TTC9: variants seen among roughly 807,000 people sequenced by gnomAD.
The protein encoded by TTC9 is tetratricopeptide repeat domain 9.
In TTC9, 13 loss-of-function variants were observed where a neutral mutation model predicts 22.9. The ratio of observed to expected loss-of-function variants is 0.57; its 90% CI spans 0.37 to 0.90. TTC9 has a LOEUF of 0.90. Ranked by LOEUF, TTC9 falls within the 40% of genes least tolerant of loss-of-function variation. The pLI is 0.01. For synonymous variants in TTC9, 148 were observed against 133.2 expected, an observed-to-expected ratio of 1.11 and a Z score of -0.77; for missense variants, 280 against 291.8, an observed-to-expected ratio of 0.96 and a Z score of 0.29.
intron 1 of TTC9, among the ~76,000 whole-genome samples, chr14:70,662,220 T>TAG (rs1273565977): frequency 6.6e-6 from 1 of 152,156 alleles, no homozygotes; most frequent in East Asian, 1.9e-4. Context: ...GACTACATCT[T>TAG]TGAATCCAAG....
At chr14:70,653,849 G>A (rs1237302585) in intron 1 of TTC9, among the ~76,000 whole-genome samples, 3 of 152,196 alleles carry the variant, frequency 2.0e-5, no homozygotes, top group Admixed American at 6.5e-5. Flanking sequence ...TGAGTCCCCA[G>A]GGGAGCTTAA....
In TTC9 at chr14:70,642,527, G is replaced by T. The variant is rs974108212; in HGVS notation, c.398G>T (p.Ser133Ile). 6.5e-7 allele frequency: 1 copy of T among 1,535,730 alleles called. No homozygotes were observed. Among genetic ancestry groups the T allele is most frequent in the Non-Finnish European group, 8.8e-7 (1 of 1,139,702 alleles). Residue 133 changes from serine to isoleucine, a missense_variant, in exon 1 of 3, where the codon AGC (serine) becomes ATC (isoleucine). Physicochemically the swap from Ser to Ile is moderately radical, Grantham distance 142 (BLOSUM62 -2). Coordinates refer to ENST00000256367, the MANE Select transcript of TTC9 (RefSeq NM_015351.2). ...VEAIEIDCYN[S>I]LAACLLQAEL... ...GCCATCGAGATCGACTGTTACAACA[G>T]CCTGGCAGGTGAGCCGCGCCGCGCC...
intron 1 of TTC9, among the ~76,000 whole-genome samples, chr14:70,666,513 A>T (rs1286921696): frequency 1.3e-5 from 2 of 152,230 alleles, no homozygotes; most frequent in East Asian, 3.8e-4. Context: ...AAAGAATTCT[A>T]AGAATGTTAA....
At chr14:70,665,053 C>T (rs1290558825) in intron 1 of TTC9, among the ~76,000 whole-genome samples, 2 of 152,208 alleles carry the variant, frequency 1.3e-5, no homozygotes, top group East Asian at 1.9e-4. Context: ...CTTTGCTTCC[C>T]CTGCCCCTGT....
chr14:70,643,026 G>A (rs1369006102), intron 1 of TTC9, among the ~76,000 whole-genome samples: 1 of 152,196 alleles, frequency 6.6e-6, no homozygotes, highest in Non-Finnish European at 1.5e-5. Flanking sequence ...CAAGTTTTTT[G>A]GCCCCAGTAG....
chr14:70,652,511 C>G (rs1233822005), intron 1 of TTC9, among the ~76,000 whole-genome samples: 1 of 152,246 alleles, frequency 6.6e-6, no homozygotes, highest in South Asian at 2.1e-4. Context: ...AATCAAGCAG[C>G]CATTCAGCAT....
rs930781130 is a variant in TTC9, at chr14:70,671,374, T to C, written c.*219T>C. The C allele has an allele frequency of 4.3e-6, 2 of 461,712 alleles. No homozygotes were observed. Among genetic ancestry groups the C allele is most frequent in the Non-Finnish European group, 8.0e-6 (2 of 251,158 alleles). The allele number at this position is 461,712 out of a possible 1,614,324, so 28.6% of individuals were successfully genotyped here. On this transcript the variant is annotated 3_prime_UTR_variant, in exon 3 of 3. Transcript: ENST00000256367. Reference sequence around the variant, plus strand: ...TCGCCCAGACAATGGAGACATCCTCTCCTCTAGCAGGTCAGCGACTGAGAG... The same window carrying C: ...TCGCCCAGACAATGGAGACATCCTCCCCTCTAGCAGGTCAGCGACTGAGAG...
rs879543584 is a variant in TTC9 at position 70,656,218 on chromosome 14, C to T, written c.407-11346C>T. Among the ~76,000 whole-genome samples the T allele has an allele frequency of 2.2e-3, 306 of 138,392 alleles. 2 individuals carry two copies. Among genetic ancestry groups the T allele is most frequent in the Non-Finnish European group, 3.0e-3 (182 of 60,620 alleles). The allele number at this position is 138,392 out of a possible 152,430, so 90.8% of individuals were successfully genotyped here. On this transcript the variant is annotated intron_variant, in intron 1 of 2. Coordinates refer to ENST00000256367, the MANE Select transcript of TTC9 (RefSeq NM_015351.2). ...ATAATTCTTCACCCTGATACACACA[C>T]ACACACACACACACACACACACACA...
chr14:70,653,100 G>GT (rs1342466507), intron 1 of TTC9, among the ~76,000 whole-genome samples: 2 of 152,192 alleles, frequency 1.3e-5, no homozygotes, highest in African/African-American at 4.8e-5. Flanking sequence ...TAATAATAAT[G>GT]TACCACATAG....
In TTC9 at chr14:70,654,647, A is replaced by G. The variant is rs201398156; in HGVS notation, c.406+12112A>G. Among the ~76,000 whole-genome samples the G allele has an allele frequency of 6.6e-5, 10 of 150,574 alleles. No homozygotes were observed. In the East Asian group the frequency reaches 1.2e-3, roughly 17 times the overall value. On this transcript the variant is annotated intron_variant, in intron 1 of 2. Transcript: ENST00000256367. ...ATTCTAATTACAAAAGTAAAGCATCATAGTTGCAGAAGTTATTGATACTAA... is the reference window on the plus strand; with the variant it reads ...ATTCTAATTACAAAAGTAAAGCATCGTAGTTGCAGAAGTTATTGATACTAA...
rs772372242 is a variant in TTC9 at position 70,667,586 on chromosome 14, G to A, written c.429G>A (p.Leu143=). 1.9e-6 allele frequency: 3 copies of A among 1,614,012 alleles called. No homozygotes were observed. Among genetic ancestry groups the A allele is most frequent in the Middle Eastern group, 3.3e-4 (2 of 6,056 alleles). Reference sequence around the variant, plus strand: ...TAGCCTGCCTGCTCCAGGCTGAGCTGGTAAACTATGAACGAGTCAAGGAAT... The same window carrying A: ...TAGCCTGCCTGCTCCAGGCTGAGCTAGTAAACTATGAACGAGTCAAGGAAT... ...SLAACLLQAE[L]VNYERVKEYC... The change falls in exon 2 of 3, where the codon CTG becomes CTA. Residue 143 remains leucine (L), a synonymous_variant. Coordinates refer to ENST00000256367, the MANE Select transcript of TTC9 (RefSeq NM_015351.2).
rs1886345215 is a variant in TTC9 at position 70,674,767 on chromosome 14, A to C, written c.*3612A>C. On this transcript the variant is annotated 3_prime_UTR_variant, in exon 3 of 3. Transcript: ENST00000256367. ...TATCACGAACATTTTCGGCATATCA[A>C]ACTTTCTCAACAGCATCTTCATTGT... The C allele has an allele frequency of 6.6e-6, 1 of 152,214 alleles. No homozygotes were observed. Among genetic ancestry groups the C allele is most frequent in the Non-Finnish European group, 1.5e-5 (1 of 68,030 alleles). The allele number at this position is 152,214 out of a possible 1,614,324, so 9.4% of individuals were successfully genotyped here.
rs2139635115 is a variant in TTC9, at chr14:70,642,202, C to T, written c.73C>T (p.Pro25Ser). The change falls in exon 1 of 3, where the codon CCA (proline) becomes TCA (serine). Residue 25 changes from proline (P) to serine (S), a missense_variant. Transcript: ENST00000256367. ...SPPAAGEGQR[P>S]PPPLCVPGGG... ...GCCCGCGGCCGGAGAGGGGCAGCGG[C>T]CACCGCCGCCGCTGTGCGTCCCGGG... 1 of 1,249,080 alleles carries T rather than the reference C, an allele frequency of 8.0e-7. No individual in the cohort carries two copies. Among genetic ancestry groups the T allele is most frequent in the South Asian group, 3.6e-5 (1 of 27,722 alleles). The allele number at this position is 1,249,080 out of a possible 1,614,324, so 77.4% of individuals were successfully genotyped here.
intron 1 of TTC9, among the ~76,000 whole-genome samples, chr14:70,654,879 T>C: frequency 6.6e-6 from 1 of 152,206 alleles, no homozygotes; most frequent in Non-Finnish European, 1.5e-5. Context: ...TTAACAGCTC[T>C]GCATTTGCCT....
chr14:70,657,256 C>T (rs1185495291), intron 1 of TTC9, among the ~76,000 whole-genome samples: 3 of 152,184 alleles, frequency 2.0e-5, no homozygotes, highest in Non-Finnish European at 4.4e-5. Context: ...GCACAGGCCA[C>T]GATGAGTGAA....
intron 1 of TTC9, among the ~76,000 whole-genome samples, chr14:70,663,723 G>A (rs1886175280): frequency 6.6e-6 from 1 of 152,198 alleles, no homozygotes; most frequent in African/African-American, 2.4e-5. Context: ...GGGGGCGGGT[G>A]TCAGCTCATC....
intron 1 of TTC9, among the ~76,000 whole-genome samples, chr14:70,653,525 G>A (rs1886014832): frequency 6.6e-6 from 1 of 152,228 alleles, no homozygotes; most frequent in South Asian, 2.1e-4. Context: ...ATGACCAAGA[G>A]CCCATGGGTC....
At chr14:70,658,629 T>TA (rs1886098785) in intron 1 of TTC9, among the ~76,000 whole-genome samples, 1 of 151,504 alleles carries the variant, frequency 6.6e-6, no homozygotes, top group Non-Finnish European at 1.5e-5. Context: ...TGATCTCAGT[T>TA]AAAAGCATCT....
chr14:70,642,832 G>A (rs1274237090), intron 1 of TTC9, among the ~76,000 whole-genome samples: 3 of 152,232 alleles, frequency 2.0e-5, no homozygotes, highest in Non-Finnish European at 2.9e-5. Flanking sequence ...CAGTGGACCT[G>A]GGTCCAAAAT....
Sources: allele counts gnomAD v4.1 joint callset (sites outside exome capture counted in the v4.1 genomes callset), GRCh38; gene constraint gnomAD v4.1.1; transcripts MANE v1.5; gene names NCBI Gene and HGNC (gene_info 2026-07-23, HGNC 2026-07-21).